NEO1: variants seen among roughly 807,000 people sequenced by gnomAD.
The protein encoded by NEO1 is neogenin.
Under a neutral mutation model 159.7 loss-of-function variants are expected in NEO1, and 63 were observed. The observed-to-expected ratio is 0.39, with a 90% CI of 0.32 to 0.49. NEO1 has a LOEUF of 0.49. NEO1 is among the 20% of genes least tolerant of loss of function. NEO1 has a pLI of 0.85. For synonymous variants in NEO1, 633 were observed against 662.0 expected (o/e 0.96, Z 0.67); for missense variants, 1,615 against 1,831.0 (o/e 0.88, Z 2.15).
At chr15:73,178,739 T>C (rs1263575678) in intron 7 of NEO1, among the ~76,000 whole-genome samples, 2 of 152,284 alleles carry the variant, frequency 1.3e-5, no homozygotes, top group East Asian at 1.9e-4. Flanking sequence ...AAGAAAAACT[T>C]CTTTTTTTTC....
chr15:73,256,196 G>A (rs968743204), intron 13 of NEO1: 4 of 152,148 alleles, frequency 2.6e-5, no homozygotes, highest in Non-Finnish European at 5.9e-5. Context: ...AAGATCTGGG[G>A]TCAAAAAGTG....
chr15:73,237,760 G>T (rs1275712036), intron 8 of NEO1, among the ~76,000 whole-genome samples: 1 of 152,166 alleles, frequency 6.6e-6, no homozygotes, highest in African/African-American at 2.4e-5. Context: ...CTACCAAACA[G>T]CAAGTTTCAA....
At position 73,165,920 on chromosome 15, in the gene NEO1, C is replaced by T. The variant is rs191215668; in HGVS notation, c.1016-10483C>T. Among the ~76,000 whole-genome samples the T allele has an allele frequency of 2.6e-5, 4 of 152,318 alleles. No homozygotes were observed. The East Asian group carries it at 5.8e-4, about 22-fold the overall frequency. On this transcript the variant is annotated intron_variant, in intron 5 of 28. Transcript: ENST00000261908. ...ATATCGCTTTGTTCCCCTTACTGCA[C>T]ATGTGTCAGGAGACGGGATTTTCCA...
At chr15:73,155,521 G>A (rs1386726790) in intron 5 of NEO1, among the ~76,000 whole-genome samples, 2 of 152,068 alleles carry the variant, frequency 1.3e-5, no homozygotes, top group African/African-American at 4.8e-5. Context: ...TGCTAGACTT[G>A]GGAAGTTTTC....
At chr15:73,290,723 T>G (rs1430624333) in intron 25 of NEO1, among the ~76,000 whole-genome samples, 5 of 152,242 alleles carry the variant, frequency 3.3e-5, no homozygotes. Context: ...TTCAAGGAAG[T>G]GAAGCCTTTC....
At chr15:73,300,478 C>T (rs1404263228) in intron 27 of NEO1, among the ~76,000 whole-genome samples, 1 of 152,240 alleles carries the variant, frequency 6.6e-6, no homozygotes, top group Non-Finnish European at 1.5e-5. Context: ...GCTTGTAATC[C>T]CAGCACTTCG....
At chr15:73,189,965 T>C (rs1034263694) in intron 7 of NEO1, among the ~76,000 whole-genome samples, 2 of 152,218 alleles carry the variant, frequency 1.3e-5, no homozygotes, top group Admixed American at 6.5e-5. Flanking sequence ...TAGAAGATCT[T>C]GTATCTTTTA....
intron 7 of NEO1, among the ~76,000 whole-genome samples, chr15:73,223,572 GT>G (rs1381463307): frequency 6.6e-6 from 1 of 152,160 alleles, no homozygotes; most frequent in Non-Finnish European, 1.5e-5. Context: ...TTGCTTTAAA[GT>G]TTGTTTTGTC....
intron 7 of NEO1, among the ~76,000 whole-genome samples, chr15:73,195,589 T>C (rs1223172605): frequency 2.0e-5 from 3 of 152,230 alleles, no homozygotes; most frequent in African/African-American, 7.2e-5. Context: ...ACTGCTGTAA[T>C]AGTGTTTTAA....
rs554024047 is a variant in NEO1, at chr15:73,197,711, C to T, written c.1291+19284C>T. On this transcript the variant is annotated intron_variant, in intron 7 of 28. Coordinates refer to ENST00000261908, the MANE Select transcript of NEO1 (RefSeq NM_002499.4). ...TTTTTTTTTTTTTGAGACAGAATCT[C>T]ATTCTGTCACCCAGGCTGGAGTGCA... Among the ~76,000 whole-genome samples, 244 of 138,456 alleles carry T rather than the reference C, an allele frequency of 1.8e-3. 2 individuals carry two copies. The highest frequency in any genetic ancestry group is 4.5e-3 in the Middle Eastern group (1 of 224). 90.8% of individuals were successfully genotyped at this position (138,456 alleles called of 152,430 possible). A position where few individuals can be genotyped will look rare whatever the true frequency, so the allele number is the denominator to read the frequency against.
At chr15:73,113,009 TAA>T (rs369091490) in intron 1 of NEO1, among the ~76,000 whole-genome samples, 137 of 152,290 alleles carry the variant, frequency 9.0e-4, no homozygotes, top group African/African-American at 3.1e-3. Context: ...TACTACATGT[TAA>T]GTTTCCAAAT....
At position 73,141,968 on chromosome 15, in the gene NEO1, C is replaced by T. The variant is rs776959126; in HGVS notation, c.1015+5941C>T. ...AGGAGTGATTGAGAGCAATCTTGCC[C>T]CAGTGCGCCTGGATTCCAGTCTCAG... On this transcript the variant is annotated intron_variant, in intron 5 of 28. Coordinates refer to ENST00000261908, the MANE Select transcript of NEO1 (RefSeq NM_002499.4). Among the ~76,000 whole-genome samples, 9 of 152,164 alleles carry T rather than the reference C, an allele frequency of 5.9e-5. No homozygotes were observed. The South Asian group carries it at 6.2e-4, about 11-fold the overall frequency.
intron 1 of NEO1, among the ~76,000 whole-genome samples, chr15:73,074,071 C>G (rs2068658969): frequency 6.6e-6 from 1 of 152,186 alleles, no homozygotes; most frequent in African/African-American, 2.4e-5. Context: ...TTCAACAAAT[C>G]TCTCCCTGCA....
intron 1 of NEO1, among the ~76,000 whole-genome samples, chr15:73,064,785 GT>G (rs1404252600): frequency 6.6e-6 from 1 of 152,146 alleles, no homozygotes; most frequent in Non-Finnish European, 1.5e-5. Context: ...ATATATTTAT[GT>G]TATGTTTGTA....
At chr15:73,262,688 T>C (rs147477911) in intron 15 of NEO1, among the ~76,000 whole-genome samples, 1 of 152,316 alleles carries the variant, frequency 6.6e-6, no homozygotes, top group Admixed American at 6.5e-5. Context: ...GGAAAACAGT[T>C]TAGAGGTTTC....
intron 22 of NEO1, 132 bp from the exon 23 acceptor site, chr15:73,282,832 G>A: frequency 3.7e-6 from 4 of 1,077,226 alleles, no homozygotes; most frequent in Non-Finnish European, 5.4e-6. Context: ...TGTTCACGCG[G>A]CACTTTTATA....
chr15:73,161,065 C>T (rs1225141478), intron 5 of NEO1, among the ~76,000 whole-genome samples: 1 of 152,102 alleles, frequency 6.6e-6, no homozygotes, highest in Non-Finnish European at 1.5e-5. Flanking sequence ...TTTAGGGGCT[C>T]TGTGTCAGGA....
rs556817263 is a variant in NEO1 at position 73,071,341 on chromosome 15, G to A, written c.130+18536G>A. Among the ~76,000 whole-genome samples, 45 of 152,268 alleles carry A rather than the reference G, an allele frequency of 3.0e-4. No homozygotes were observed. In the South Asian group the frequency reaches 9.4e-3, roughly 32 times the overall value. ...GGCCTGGAAATCTGAATTTTGAGAA[G>A]CATCTGATGGATTTTGTATTCATAA... On this transcript the variant is annotated intron_variant, in intron 1 of 28. Transcript: ENST00000261908.
intron 1 of NEO1, among the ~76,000 whole-genome samples, chr15:73,094,746 C>CT (rs1336035224): frequency 6.6e-6 from 1 of 152,122 alleles, no homozygotes; most frequent in African/African-American, 2.4e-5. Flanking sequence ...CTTCCTCTGT[C>CT]TTTTTTATTT....
Sources: allele counts gnomAD v4.1 joint callset (sites outside exome capture counted in the v4.1 genomes callset), GRCh38; gene constraint gnomAD v4.1.1; transcripts MANE v1.5; gene names NCBI Gene and HGNC (gene_info 2026-07-23, HGNC 2026-07-21).